Variants in INTS9 observed in about 807,000 individuals in gnomAD.
INTS9 encodes integrator complex subunit 9, also known as protein related to CPSF subunits of 74 kDa.
INTS9 carries 55 observed loss-of-function variants against 79.7 expected under a neutral mutation model. The observed-to-expected ratio is 0.69, with a 90% confidence interval of 0.56 to 0.86. INTS9 has a LOEUF of 0.86. Among genes scored for constraint, INTS9 ranks in the 40% least tolerant of loss-of-function variants. The pLI is 0.00. For synonymous variants in INTS9, 319 were observed against 325.2 expected, an observed-to-expected ratio of 0.98 and a Z score of 0.20; for missense variants, 721 against 831.5, an observed-to-expected ratio of 0.87 and a Z score of 1.64.
intron 1 of INTS9, among the ~76,000 whole-genome samples, chr8:28,883,177 T>C (rs1809990154): frequency 6.6e-6 from 1 of 152,232 alleles, no homozygotes; most frequent in Non-Finnish European, 1.5e-5. Flanking sequence ...CAGCTGCCTC[T>C]CCAATCTGTC....
intron 10 of INTS9, among the ~76,000 whole-genome samples, chr8:28,793,023 T>C (rs1371642472): frequency 6.6e-6 from 1 of 151,964 alleles, no homozygotes; most frequent in Non-Finnish European, 1.5e-5. Flanking sequence ...ATGAAAAAAG[T>C]ACTTTACAAA....
chr8:28,824,219 C>G (rs562123521), intron 6 of INTS9, among the ~76,000 whole-genome samples: 1 of 152,288 alleles, frequency 6.6e-6, no homozygotes, highest in African/African-American at 2.4e-5. Context: ...TACAGGCTGG[C>G]CTTCCCTCCC....
intron 6 of INTS9, among the ~76,000 whole-genome samples, chr8:28,829,483 C>G (rs546350635): frequency 6.6e-6 from 1 of 152,180 alleles, no homozygotes; most frequent in South Asian, 2.1e-4. Flanking sequence ...GGTACGTGTA[C>G]TAATAATAAA....
At chr8:28,841,644 A>G (rs753459792) in intron 4 of INTS9, among the ~76,000 whole-genome samples, 31 of 152,188 alleles carry the variant, frequency 2.0e-4, no homozygotes, top group Middle Eastern at 3.2e-3. Context: ...ACAGTTGAAA[A>G]TAACTTTTGA....
At chr8:28,799,814 C>T (rs956553648) in intron 8 of INTS9, among the ~76,000 whole-genome samples, 2 of 152,212 alleles carry the variant, frequency 1.3e-5, no homozygotes, top group African/African-American at 4.8e-5. Flanking sequence ...GACCCCTAGC[C>T]AGCAACACCC....
At chr8:28,792,984 A>G (rs955166149) in intron 10 of INTS9, among the ~76,000 whole-genome samples, 3 of 150,750 alleles carry the variant, frequency 2.0e-5, no homozygotes, top group Admixed American at 1.3e-4. Context: ...GTCTAAACAC[A>G]GCGGGGAAAA....
intron 1 of INTS9, among the ~76,000 whole-genome samples, chr8:28,882,521 A>G (rs1809932281): frequency 7.0e-6 from 1 of 143,224 alleles, no homozygotes; most frequent in South Asian, 2.2e-4. Context: ...TATGCAAGCG[A>G]TATTAACAGC....
At chr8:28,839,739 T>C (rs1285140375) in intron 4 of INTS9, among the ~76,000 whole-genome samples, 3 of 152,194 alleles carry the variant, frequency 2.0e-5, no homozygotes, top group Non-Finnish European at 4.4e-5. Context: ...GCTAGCCATA[T>C]GTAGAAAGCT....
chr8:28,817,329 A>C (rs368446826), intron 6 of INTS9, among the ~76,000 whole-genome samples: 8 of 152,134 alleles, frequency 5.3e-5, no homozygotes, highest in Non-Finnish European at 2.9e-5. Context: ...ATTAATTTTT[A>C]TATAAGGTGT....
rs1439836804 is a variant in INTS9 at position 28,770,980 on chromosome 8, A to G, written c.1662+2T>C. 1 of 1,611,922 alleles carries G rather than the reference A, an allele frequency of 6.2e-7. No individual in the cohort carries two copies. The highest frequency in any genetic ancestry group is 8.5e-7 in the Non-Finnish European group (1 of 1,179,316). The stretch of plus-strand genomic sequence containing the variant: ...CCTGCACTCCCACCCAGCACCCCCT[A>G]CCTGAAGCAAGTGCTTGTTATCTTT... On this transcript the variant is annotated splice_donor_variant, in intron 15 of 16. Transcript: ENST00000521022. LOFTEE classifies it high-confidence loss of function.
Position 28,769,999 on chromosome 8 carries a change from TCGTGGGCTGGGCGGGC to T in INTS9, c.1674_1689del (p.Pro559AlafsTer8). ...CTCACCCGCTTTCTCTTCTTCCCGC[TCGTGGGCTGGGCGGGC>T]CGAGGAGGGGGCTAGAGCAGAAGGA... On this transcript the variant is annotated frameshift_variant, in exon 16 of 17. Transcript: ENST00000521022. LOFTEE classifies it high-confidence loss of function. The T allele has an allele frequency of 6.2e-7, 1 of 1,614,118 alleles. No individual in the cohort carries two copies. Among genetic ancestry groups the T allele is most frequent in the South Asian group, 1.1e-5 (1 of 91,086 alleles).
At chr8:28,800,679 C>T (rs1372319275) in intron 8 of INTS9, among the ~76,000 whole-genome samples, 1 of 152,024 alleles carries the variant, frequency 6.6e-6, no homozygotes, top group African/African-American at 2.4e-5. Flanking sequence ...TCACCTGCAC[C>T]CTGGAGAAAA....
At chr8:28,849,500 T>G (rs1272053576) in intron 3 of INTS9, among the ~76,000 whole-genome samples, 1 of 152,132 alleles carries the variant, frequency 6.6e-6, no homozygotes, top group Non-Finnish European at 1.5e-5. Context: ...CTGTTTTTTT[T>G]TTTTAATCAT....
chr8:28,868,515 C>T (rs542307828), intron 1 of INTS9, among the ~76,000 whole-genome samples: 2 of 151,970 alleles, frequency 1.3e-5, no homozygotes, highest in African/African-American at 2.4e-5. Flanking sequence ...CAATTTTTTC[C>T]GTTTTCTATT....
intron 3 of INTS9, among the ~76,000 whole-genome samples, chr8:28,849,080 G>A (rs1807686537): frequency 6.6e-6 from 1 of 152,122 alleles, no homozygotes; most frequent in Admixed American, 6.6e-5. Context: ...TGTAAAAAGG[G>A]CACCTCTTTA....
chr8:28,873,589 C>T (rs1005804427), intron 1 of INTS9, among the ~76,000 whole-genome samples: 1 of 152,118 alleles, frequency 6.6e-6, no homozygotes, highest in African/African-American at 2.4e-5. Context: ...GGGAAGGAAA[C>T]AAAGTTGGTG....
intron 8 of INTS9, among the ~76,000 whole-genome samples, chr8:28,812,017 T>G (rs1805182143): frequency 6.6e-6 from 1 of 152,180 alleles, no homozygotes; most frequent in South Asian, 2.1e-4. Context: ...CACTTGGCCC[T>G]TGGGAAGGAT....
chr8:28,886,834 G>A (rs1810197358), intron 1 of INTS9, among the ~76,000 whole-genome samples: 2 of 152,194 alleles, frequency 1.3e-5, no homozygotes, highest in Non-Finnish European at 2.9e-5. Flanking sequence ...AGGATTAAAT[G>A]GGAAACTACA....
intron 6 of INTS9, among the ~76,000 whole-genome samples, chr8:28,819,927 G>C (rs1805727721): frequency 6.6e-6 from 1 of 152,058 alleles, no homozygotes; most frequent in Non-Finnish European, 1.5e-5. Context: ...TGTCTCTTTT[G>C]ATCTTTGTTG....
Sources: allele counts gnomAD v4.1 joint callset (sites outside exome capture counted in the v4.1 genomes callset), GRCh38; gene constraint gnomAD v4.1.1; transcripts MANE v1.5; gene names NCBI Gene and HGNC (gene_info 2026-07-23, HGNC 2026-07-21).